Variants in NARS2 observed in about 807,000 individuals in gnomAD.
NARS2 encodes the protein asparaginyl-tRNA synthetase 2, mitochondrial.
A neutral mutation model predicts 62.9 loss-of-function variants in NARS2; 60 were observed. The ratio of observed to expected loss-of-function variants is 0.95; its 90% confidence interval spans 0.77 to 1.18. The LOEUF is 1.18. Ranked by LOEUF, NARS2 falls within the 50% of genes most tolerant of loss-of-function variation. NARS2 has a pLI of 0.00. For synonymous variants in NARS2, 196 were observed against 200.0 expected, an observed-to-expected ratio of 0.98 and a Z score of 0.17; for missense variants, 619 against 576.4, an observed-to-expected ratio of 1.07 and a Z score of -0.76.
chr11:78,442,312 A>ATAG (rs972051466), intron 12 of NARS2, among the ~76,000 whole-genome samples: 2 of 152,174 alleles, frequency 1.3e-5, no homozygotes, highest in African/African-American at 4.8e-5. Flanking sequence ...TAATGCTGTA[A>ATAG]TAGTAGTAAG....
At chr11:78,520,747 AAGTAAG>A (rs1271409887) in intron 6 of NARS2, among the ~76,000 whole-genome samples, 1 of 152,146 alleles carries the variant, frequency 6.6e-6, no homozygotes, top group Non-Finnish European at 1.5e-5. Context: ...TAATTATGTT[AAGTAAG>A]AGTAAAATAG....
chr11:78,445,645 AT>A lies in NARS2; in HGVS notation c.1165-1888del, dbSNP rs1326933846. Among the ~76,000 whole-genome samples the A allele has an allele frequency of 3.3e-5, 5 of 152,072 alleles. 1 individual carries two copies. Among genetic ancestry groups the A allele is most frequent in the African/African-American group, 7.2e-5 (3 of 41,384 alleles). ...TGTCTCCCAAAAAACAATTAAAAAA[AT>A]TTTTTTTAAATGTTTATTTGTGGCT... On this transcript the variant is annotated intron_variant, in intron 11 of 13. Coordinates refer to ENST00000281038, the MANE Select transcript of NARS2 (RefSeq NM_024678.6).
At chr11:78,519,447 T>G (rs1219990154) in intron 6 of NARS2, among the ~76,000 whole-genome samples, 1 of 152,190 alleles carries the variant, frequency 6.6e-6, no homozygotes. Context: ...AAAATAAAAA[T>G]TAGCAGAAAT....
intron 11 of NARS2, among the ~76,000 whole-genome samples, chr11:78,454,899 G>A (rs962680082): frequency 1.3e-5 from 2 of 152,130 alleles, no homozygotes; most frequent in African/African-American, 2.4e-5. Context: ...TCACAAGCAT[G>A]AGCCACCGTG....
intron 5 of NARS2, among the ~76,000 whole-genome samples, chr11:78,543,943 A>C (rs1855735736): frequency 7.0e-6 from 1 of 142,952 alleles, no homozygotes; most frequent in South Asian, 2.3e-4. Context: ...AGGCAGGAGA[A>C]TCGCTTGAAC....
At chr11:78,521,789 C>CCAAAA (rs1861135719) in intron 6 of NARS2, among the ~76,000 whole-genome samples, 1 of 96,418 alleles carries the variant, frequency 1.0e-5, no homozygotes, top group African/African-American at 4.7e-5. Context: ...GACTCCGTCT[C>CCAAAA]AAAAAAAAAA....
At chr11:78,465,245 C>T (rs1858571352) in intron 11 of NARS2, among the ~76,000 whole-genome samples, 1 of 152,266 alleles carries the variant, frequency 6.6e-6, no homozygotes, top group African/African-American at 2.4e-5. Context: ...CACTGGCCCG[C>T]AAGCACCGCA....
intron 11 of NARS2, among the ~76,000 whole-genome samples, chr11:78,453,791 A>G (rs906799543): frequency 6.6e-6 from 1 of 152,218 alleles, no homozygotes; most frequent in Non-Finnish European, 1.5e-5. Flanking sequence ...ATTAGGAAAG[A>G]GGGCTTTCCA....
intron 11 of NARS2, among the ~76,000 whole-genome samples, chr11:78,459,955 G>T (rs116839029): frequency 6.6e-6 from 1 of 152,198 alleles, no homozygotes; most frequent in Non-Finnish European, 1.5e-5. Context: ...GGTCAAGAAA[G>T]GTTTCTCTGA....
chr11:78,540,781 A>G (rs1855582663), intron 5 of NARS2, among the ~76,000 whole-genome samples: 1 of 152,230 alleles, frequency 6.6e-6, no homozygotes. Context: ...TAACCACTGA[A>G]TATCCTATTT....
intron 5 of NARS2, 39 bp from the exon 6 acceptor site, chr11:78,528,975 T>C (rs1861391274): frequency 7.5e-7 from 1 of 1,338,086 alleles, no homozygotes; most frequent in Admixed American, 1.7e-5. Context: ...AACTATTAAA[T>C]GTTTTGCTTT....
Position 78,441,175 on chromosome 11 carries a change from C to T in NARS2, c.1263-58G>A, listed in dbSNP as rs1189492530. Reference sequence around the variant, plus strand: ...ACGGCAATAAGATAAATATTAACCACTAGACATTTATTCTGGGTGTGTGCA... The same window carrying T: ...ACGGCAATAAGATAAATATTAACCATTAGACATTTATTCTGGGTGTGTGCA... On this transcript the variant is annotated intron_variant, in intron 12 of 13. Coordinates refer to ENST00000281038, the MANE Select transcript of NARS2 (RefSeq NM_024678.6). 10 of 1,483,132 alleles carry T rather than the reference C, an allele frequency of 6.7e-6. No homozygotes were observed. The South Asian group carries it at 9.4e-5, about 14-fold the overall frequency. The allele number at this position is 1,483,132 out of a possible 1,614,324, so 91.9% of individuals were successfully genotyped here.
At chr11:78,522,751 T>C (rs1565257111) in intron 6 of NARS2, among the ~76,000 whole-genome samples, 1 of 152,168 alleles carries the variant, frequency 6.6e-6, no homozygotes, top group Non-Finnish European at 1.5e-5. Flanking sequence ...GGGGACAAAA[T>C]ACTCAAAAGC....
At chr11:78,545,827 C>T (rs369023922) in intron 5 of NARS2, among the ~76,000 whole-genome samples, 19 of 152,182 alleles carry the variant, frequency 1.2e-4, no homozygotes, top group African/African-American at 4.1e-4. Flanking sequence ...TGTGAACCAC[C>T]GCACCTGGTC....
intron 5 of NARS2, among the ~76,000 whole-genome samples, chr11:78,537,653 T>C (rs1855409405): frequency 6.6e-6 from 1 of 152,078 alleles, no homozygotes; most frequent in Non-Finnish European, 1.5e-5. Context: ...ATTTAAAAAT[T>C]AGCTGTGCAT....
At chr11:78,544,403 G>A (rs989035454) in intron 5 of NARS2, among the ~76,000 whole-genome samples, 1 of 152,134 alleles carries the variant, frequency 6.6e-6, no homozygotes, top group African/African-American at 2.4e-5. Flanking sequence ...AGTGAATTAG[G>A]TAAATTGTAT....
At chr11:78,460,420 T>C (rs1487156010) in intron 11 of NARS2, among the ~76,000 whole-genome samples, 1 of 152,064 alleles carries the variant, frequency 6.6e-6, no homozygotes, top group African/African-American at 2.4e-5. Flanking sequence ...ATTTACATTT[T>C]ATAAAAACTC....
intron 2 of NARS2, among the ~76,000 whole-genome samples, chr11:78,569,955 G>T (rs1856864305): frequency 1.3e-5 from 2 of 152,182 alleles, no homozygotes. Flanking sequence ...TTGGGAGGCT[G>T]AGGCAGGCAG....
chr11:78,449,990 A>C (rs190415004), intron 11 of NARS2, among the ~76,000 whole-genome samples: 119 of 152,350 alleles, frequency 7.8e-4, no homozygotes, highest in Non-Finnish European at 1.1e-3. Context: ...TGGGAAAAAG[A>C]TCATGTATGA....
Sources: gnomAD v4.1 joint callset for allele counts (sites outside exome capture counted in the v4.1 genomes callset) on GRCh38, gnomAD v4.1.1 for gene constraint, MANE v1.5 for transcripts, NCBI Gene and HGNC (gene_info 2026-07-23, HGNC 2026-07-21) for gene names.